The following MFSD8 variants were observed in gnomAD, a reference collection of about 807,000 sequenced individuals.
The protein encoded by MFSD8 is major facilitator superfamily domain-containing protein 8.
A neutral mutation model predicts 66.4 loss-of-function variants in MFSD8; 55 were observed. The observed-to-expected ratio is 0.83, with a 90% CI of 0.67 to 1.04. The LOEUF is 1.04. MFSD8 is among the 50% of genes least tolerant of loss of function. The probability of loss-of-function intolerance (pLI) is 0.00; values close to 1 mark genes in which losing one functional copy is unlikely to be tolerated. For synonymous variants in MFSD8, 202 were observed against 212.8 expected (o/e 0.95, Z 0.44); for missense variants, 550 against 627.6 (o/e 0.88, Z 1.32).
chr4:127,955,079 TA>T (rs1173907054), intron 2 of MFSD8, among the ~76,000 whole-genome samples: 2 of 152,070 alleles, frequency 1.3e-5, no homozygotes. Context: ...TCCAAAAAAT[TA>T]AAAAATTAAA....
intron 1 of MFSD8, 159 bp downstream of exon 1, chr4:127,964,913 G>C: frequency 1.2e-6 from 1 of 841,482 alleles, no homozygotes; most frequent in Non-Finnish European, 1.9e-6. Context: ...TCCTACGTTG[G>C]GAGCGAATCT....
chr4:127,958,271 CAT>C (rs1489668286), intron 1 of MFSD8, among the ~76,000 whole-genome samples: 9 of 152,144 alleles, frequency 5.9e-5, no homozygotes, highest in Non-Finnish European at 1.2e-4. Context: ...TTAGGTGACA[CAT>C]GAGTCTATAT....
chr4:127,933,912 C>G (rs1738587619), intron 7 of MFSD8, among the ~76,000 whole-genome samples: 1 of 151,986 alleles, frequency 6.6e-6, no homozygotes, highest in Non-Finnish European at 1.5e-5. Context: ...GTACTCATGG[C>G]CAGGAGTGGT....
Position 127,939,604 on chromosome 4 carries a change from C to CCA in MFSD8, c.698+248_698+249insTG, listed in dbSNP as rs1491477902. 16 of 81,118 alleles carry CCA rather than the reference C, an allele frequency of 2.0e-4. No individual in the cohort carries two copies. In the East Asian group the frequency reaches 2.6e-3, roughly 13 times the overall value. The allele number at this position is 81,118 out of a possible 1,614,324, so 5.0% of individuals were successfully genotyped here. A position where few individuals can be genotyped will look rare whatever the true frequency, so the allele number is the denominator to read the frequency against. On this transcript the variant is annotated intron_variant, in intron 6 of 11. Coordinates refer to ENST00000641686, the MANE Select transcript of MFSD8 (RefSeq NM_001371596.2). ...TGAGCAACAGAGTAAGATCTTGTCT[C>CCA]AAAAAAAAAAAAAAAAAAAAAAAAA...
At chr4:127,964,190 C>A (rs1012282624) in intron 1 of MFSD8, among the ~76,000 whole-genome samples, 1 of 152,262 alleles carries the variant, frequency 6.6e-6, no homozygotes, top group African/African-American at 2.4e-5. Flanking sequence ...GGATCCCGCA[C>A]CGGGGCTGCA....
intron 3 of MFSD8, among the ~76,000 whole-genome samples, chr4:127,944,321 G>A (rs1219216276): frequency 1.3e-5 from 2 of 152,004 alleles, no homozygotes; most frequent in Admixed American, 1.3e-4. Context: ...AATAATATAA[G>A]CTATTCTTTA....
chr4:127,930,567 T>C (rs1286929385), intron 9 of MFSD8, 116 bp downstream of exon 9: 11 of 1,175,922 alleles, frequency 9.4e-6, no homozygotes, highest in Non-Finnish European at 1.3e-5. Context: ...AAATTGTAAA[T>C]TTGTGTGCAA....
At chr4:127,941,643 G>A (rs1740212760) in intron 5 of MFSD8, among the ~76,000 whole-genome samples, 2 of 152,036 alleles carry the variant, frequency 1.3e-5, no homozygotes, top group East Asian at 1.9e-4. Flanking sequence ...TGTATTTTTA[G>A]TAGAGATGGG....
chr4:127,940,127 C>A, intron 5 of MFSD8, 130 bp from the exon 6 acceptor site: 1 of 918,192 alleles, frequency 1.1e-6, no homozygotes, highest in Non-Finnish European at 1.6e-6. Context: ...GCATTCTCAA[C>A]AGATGGAATT....
chr4:127,947,590 A>C (rs1016931484), intron 3 of MFSD8, among the ~76,000 whole-genome samples: 1 of 151,724 alleles, frequency 6.6e-6, no homozygotes, highest in African/African-American at 2.4e-5. Flanking sequence ...AAAAAAAAAA[A>C]AAAACAGAGA....
At chr4:127,937,902 G>A (rs932040674) in intron 7 of MFSD8, among the ~76,000 whole-genome samples, 1 of 152,158 alleles carries the variant, frequency 6.6e-6, no homozygotes, top group Non-Finnish European at 1.5e-5. Flanking sequence ...ACAACTTTAT[G>A]AACTACTGAG....
chr4:127,964,978 A>G (rs1315186017), intron 1 of MFSD8, 94 bp downstream of exon 1: 1 of 1,454,846 alleles, frequency 6.9e-7, no homozygotes, highest in Non-Finnish European at 9.5e-7. Flanking sequence ...CCCCTCTGGC[A>G]GCGAGGGTTT....
intron 2 of MFSD8, among the ~76,000 whole-genome samples, chr4:127,952,740 G>T (rs1742201083): frequency 6.6e-6 from 1 of 151,358 alleles, no homozygotes; most frequent in Non-Finnish European, 1.5e-5. Context: ...CGTGGTGGCA[G>T]GCACCTGTAG....
At chr4:127,962,513 G>A (rs1743965301) in intron 1 of MFSD8, among the ~76,000 whole-genome samples, 1 of 150,614 alleles carries the variant, frequency 6.6e-6, no homozygotes, top group East Asian at 2.0e-4. Flanking sequence ...AGAAGCAACA[G>A]TCCCAAATGT....
rs1243416801 is a variant in MFSD8, at chr4:127,965,080, A to C, written c.54T>G (p.Pro18=). 6.2e-6 allele frequency: 10 copies of C among 1,613,720 alleles called. 1 individual carries two copies. The Admixed American group carries it at 1.7e-4, about 27-fold the overall frequency. Residue 18 remains proline (P), a synonymous_variant, in exon 1 of 12, where the codon CCT becomes CCG. Coordinates refer to ENST00000641686, the MANE Select transcript of MFSD8 (RefSeq NM_001371596.2). ...SEQEPLLGDT[P]GSREWDILET... is the part of the protein sequence containing the mutation. Reference sequence around the variant, plus strand: ...CACCAGGATCCGCTCACCTGCTTCCAGGTGTGTCGCCTAAGAGCGGCTCCT... The same window carrying C: ...CACCAGGATCCGCTCACCTGCTTCCCGGTGTGTCGCCTAAGAGCGGCTCCT...
rs184269384 is a variant in MFSD8, at chr4:127,960,957, C to T, written c.63-3365G>A. On this transcript the variant is annotated intron_variant, in intron 1 of 11. Transcript: ENST00000641686. ...GGTTATCTAAACACCTATATAATAT[C>T]CTTGATTTTTCCCCTTGCCCTAAAC... is the stretch of plus-strand genomic sequence containing the variant. Among the ~76,000 whole-genome samples, 823 of 152,030 alleles carry T rather than the reference C, an allele frequency of 5.4e-3. 7 individuals carry two copies. The highest frequency in any genetic ancestry group is 0.019 in the African/African-American group (777 of 41,470).
rs540495888 is a variant in MFSD8, at chr4:127,963,990, G to C, written c.62+1082C>G. 2.8e-3 allele frequency among the ~76,000 whole-genome samples: 432 copies of C among 152,334 alleles called. 3 individuals are homozygous for C. The highest frequency in any genetic ancestry group is 9.7e-3 in the African/African-American group (404 of 41,584). ...AGAAAGGTTCTCCAAGGCCCCACCA[G>C]AGTAGCTAGATACAGAGTGTCGACT... is the stretch of plus-strand genomic sequence containing the variant. On this transcript the variant is annotated intron_variant, in intron 1 of 11. Coordinates refer to ENST00000641686, the MANE Select transcript of MFSD8 (RefSeq NM_001371596.2).
chr4:127,952,638 G>A (rs113567391), intron 2 of MFSD8, among the ~76,000 whole-genome samples: 7 of 152,132 alleles, frequency 4.6e-5, no homozygotes, highest in South Asian at 2.1e-4. Context: ...GGGAGACTGC[G>A]GCAGGCAGAT....
chr4:127,964,746 G>C, intron 1 of MFSD8: 1 of 462,190 alleles, frequency 2.2e-6, no homozygotes, highest in South Asian at 2.2e-5. Flanking sequence ...CCAGGCAGAG[G>C]AGGCCTGGAG....
Sources: allele counts gnomAD v4.1 joint callset (sites outside exome capture counted in the v4.1 genomes callset), GRCh38; gene constraint gnomAD v4.1.1; transcripts MANE v1.5; gene names NCBI Gene and HGNC (gene_info 2026-07-23, HGNC 2026-07-21).